MICAL2: variants seen among roughly 807,000 people sequenced by gnomAD.
MICAL2 encodes [F-actin]-monooxygenase MICAL2.
A neutral mutation model predicts 127.3 loss-of-function variants in MICAL2; 77 were observed. That is an observed-to-expected ratio of 0.60 (90% CI 0.50 to 0.73). The LOEUF (loss-of-function observed/expected upper bound fraction) is 0.73. Among genes scored for constraint, MICAL2 ranks in the 30% least tolerant of loss-of-function variants. The probability of loss-of-function intolerance (pLI) is 0.00; values close to 1 mark genes in which losing one functional copy is unlikely to be tolerated. For missense variants in MICAL2, 1,351 were observed against 1,434.4 expected, an observed-to-expected ratio of 0.94 and a Z score of 0.94; for synonymous variants, 570 against 551.1, an observed-to-expected ratio of 1.03 and a Z score of -0.48.
chr11:12,155,851 A>G (rs76508201), intron 2 of MICAL2, among the ~76,000 whole-genome samples: 4,698 of 152,286 alleles, frequency 0.031, 123 homozygotes, highest in Middle Eastern at 0.041. Context: ...ACTGGTCAGC[A>G]TACAGATGTT....
intron 23 of MICAL2, chr11:12,256,559 G>C (rs1206830819): frequency 2.3e-6 from 1 of 441,596 alleles, no homozygotes; most frequent in Admixed American, 4.0e-5. Flanking sequence ...CCACCTTGTT[G>C]TCTCGGGCCT....
At chr11:12,318,639 C>A (rs187817170) in intron 29 of MICAL2, among the ~76,000 whole-genome samples, 1 of 152,286 alleles carries the variant, frequency 6.6e-6, no homozygotes, top group East Asian at 1.9e-4. Flanking sequence ...CAGACATAAG[C>A]AGCCACAGCA....
chr11:12,328,221 T>C (rs1864376396), intron 32 of MICAL2, among the ~76,000 whole-genome samples: 1 of 152,222 alleles, frequency 6.6e-6, no homozygotes, highest in Admixed American at 6.5e-5. Context: ...ATGATGCAGT[T>C]TCTACCTTGA....
chr11:12,316,872 T>C (rs1204829993), intron 29 of MICAL2, among the ~76,000 whole-genome samples: 1 of 152,250 alleles, frequency 6.6e-6, no homozygotes, highest in Non-Finnish European at 1.5e-5. Context: ...CAGGTGAATC[T>C]ATAATAACCT....
Position 12,155,382 on chromosome 11 carries a change from C to G in MICAL2, c.-77-6697C>G, listed in dbSNP as rs187112899. Among the ~76,000 whole-genome samples, 13 of 152,276 alleles carry G rather than the reference C, an allele frequency of 8.5e-5. 1 individual carries two copies. The East Asian group carries it at 2.1e-3, about 25-fold the overall frequency. ...ACATATACATGTGTATTTGCGCACA[C>G]ATGAATACACATACATATGTGCTCA... is the stretch of plus-strand genomic sequence containing the variant. On this transcript the variant is annotated intron_variant, in intron 2 of 27. Transcript: ENST00000683283.
At chr11:12,290,013 T>C (rs541661744), downstream of MICAL2, among the ~76,000 whole-genome samples, 5 of 152,310 alleles carry the variant, frequency 3.3e-5, no homozygotes, top group South Asian at 1.0e-3. Flanking sequence ...GGAGTGGACT[T>C]CCAGGCTCCC....
chr11:12,155,055 A>C (rs1002940504), intron 2 of MICAL2, among the ~76,000 whole-genome samples: 3 of 152,180 alleles, frequency 2.0e-5, no homozygotes, highest in Non-Finnish European at 4.4e-5. Flanking sequence ...GGCCTGGTAC[A>C]CTGTGAGTGC....
At chr11:12,314,657 T>TTTTTTC (rs1464230581) in intron 29 of MICAL2, among the ~76,000 whole-genome samples, 1 of 147,720 alleles carries the variant, frequency 6.8e-6, no homozygotes, top group East Asian at 2.0e-4. Context: ...TTTTTTTTTT[T>TTTTTTC]TTGTATTTTT....
At chr11:12,146,684 C>T (rs1852945933) in intron 2 of MICAL2, among the ~76,000 whole-genome samples, 1 of 152,130 alleles carries the variant, frequency 6.6e-6, no homozygotes, top group Non-Finnish European at 1.5e-5. Flanking sequence ...ACTAGAAATA[C>T]CATTTGACCC....
rs114691345 is a variant in MICAL2 at position 12,230,440 on chromosome 11, G to A, written c.1995+3309G>A. On this transcript the variant is annotated intron_variant, in intron 15 of 27. Transcript: ENST00000683283. ...AGCCCTTCTGGAGTGGAGATACAGG[G>A]CAGGCATGCTTGCACGAGTCTATAC... 6.6e-3 allele frequency among the ~76,000 whole-genome samples: 1,003 copies of A among 152,226 alleles called. 13 individuals carry two copies. Among genetic ancestry groups the A allele is most frequent in the African/African-American group, 0.022 (929 of 41,526 alleles).
intron 29 of MICAL2, among the ~76,000 whole-genome samples, chr11:12,314,659 TG>T (rs1864213730): frequency 1.4e-5 from 2 of 146,358 alleles, no homozygotes; most frequent in Admixed American, 6.8e-5. Context: ...TTTTTTTTTT[TG>T]TATTTTTAGT....
intron 29 of MICAL2, among the ~76,000 whole-genome samples, chr11:12,297,366 T>G (rs557943260): frequency 2.0e-5 from 3 of 152,284 alleles, no homozygotes; most frequent in African/African-American, 7.2e-5. Flanking sequence ...AGTTTTCTAT[T>G]GGTTTGTTGG....
chr11:12,306,476 A>G (rs76801692), intron 29 of MICAL2, among the ~76,000 whole-genome samples: 3,714 of 152,298 alleles, frequency 0.024, 98 homozygotes, highest in East Asian at 0.14. Flanking sequence ...TATAATTTAC[A>G]TGCAATAAAA....
intron 1 of MICAL2, among the ~76,000 whole-genome samples, chr11:12,114,832 C>T (rs551534764): frequency 6.6e-6 from 1 of 152,356 alleles, no homozygotes; most frequent in South Asian, 2.1e-4. Flanking sequence ...TGCTCCCCCT[C>T]ACTGTGCTGG....
upstream of MICAL2, chr11:12,275,985 G>C (rs1863718719): frequency 5.0e-6 from 2 of 399,266 alleles, no homozygotes; most frequent in Non-Finnish European, 4.4e-6. Flanking sequence ...CCTCTCAGCA[G>C]ATGAGCCCAC....
chr11:12,352,018 C>T (rs1487089643), intron 33 of MICAL2, among the ~76,000 whole-genome samples: 1 of 152,086 alleles, frequency 6.6e-6, no homozygotes, highest in Non-Finnish European at 1.5e-5. Flanking sequence ...GAACTCCTGA[C>T]TTCAAGTGAT....
At chr11:12,348,153 CAAAAA>C (rs57602704) in intron 32 of MICAL2, among the ~76,000 whole-genome samples, 22 of 79,138 alleles carry the variant, frequency 2.8e-4, no homozygotes, top group African/African-American at 1.1e-3. Flanking sequence ...GACTCTGTCT[CAAAAA>C]AAAAAAAAAA....
At chr11:12,267,722 C>T (rs2134746250), downstream of MICAL2, among the ~76,000 whole-genome samples, 1 of 152,292 alleles carries the variant, frequency 6.6e-6, no homozygotes, top group African/African-American at 2.4e-5. Context: ...ATGCCTCAGC[C>T]ACCCGAGTAG....
intron 23 of MICAL2, chr11:12,255,971 A>G: frequency 4.0e-6 from 2 of 500,376 alleles, no homozygotes; most frequent in East Asian, 3.0e-5. Context: ...TTTTGAAAAT[A>G]GAGATCTTCC....
Sources: allele counts gnomAD v4.1 joint callset (sites outside exome capture counted in the v4.1 genomes callset), GRCh38; gene constraint gnomAD v4.1.1; transcripts MANE v1.5; gene names NCBI Gene and HGNC (gene_info 2026-07-23, HGNC 2026-07-21).